Variants in ASAP1 observed in about 807,000 individuals in gnomAD.
The protein encoded by ASAP1 is ArfGAP with SH3 domain, ankyrin repeat and PH domain 1, also known as arf-GAP with SH3 domain, ANK repeat and PH domain-containing protein 1.
In ASAP1, 43 loss-of-function variants were observed where a neutral mutation model predicts 145.2. The ratio of observed to expected loss-of-function variants is 0.30; its 90% CI spans 0.23 to 0.38. ASAP1 has a LOEUF of 0.38. Among genes scored for constraint, ASAP1 ranks in the 10% least tolerant of loss-of-function variants. ASAP1 has a pLI of 1.00. For missense variants in ASAP1, 1,018 were observed against 1,355.3 expected, an observed-to-expected ratio of 0.75 and a Z score of 3.91; for synonymous variants, 546 against 515.5, an observed-to-expected ratio of 1.06 and a Z score of -0.80.
intron 24 of ASAP1, among the ~76,000 whole-genome samples, chr8:130,103,504 AT>A (rs925571980): frequency 1.3e-5 from 2 of 149,980 alleles, no homozygotes; most frequent in Admixed American, 6.7e-5. Context: ...TGACATTTTT[AT>A]TTTTTTATTT....
intron 3 of ASAP1, among the ~76,000 whole-genome samples, chr8:130,299,320 A>C (rs1040072878): frequency 2.6e-5 from 4 of 152,334 alleles, no homozygotes; most frequent in Middle Eastern, 6.8e-3. Flanking sequence ...ATGTTTGGAG[A>C]TGTTGGCAAC....
At chr8:130,191,198 G>C (rs1815116242) in intron 5 of ASAP1, among the ~76,000 whole-genome samples, 1 of 152,140 alleles carries the variant, frequency 6.6e-6, no homozygotes, top group Non-Finnish European at 1.5e-5. Flanking sequence ...AACCAAGGGA[G>C]GCAGAGTCAG....
chr8:130,173,779 A>AT (rs1813751497), intron 9 of ASAP1, among the ~76,000 whole-genome samples: 1 of 151,458 alleles, frequency 6.6e-6, no homozygotes, highest in Non-Finnish European at 1.5e-5. Context: ...AAAAGAAAAA[A>AT]AAAAATAAAA....
chr8:130,176,062 A>G (rs1296510143), intron 9 of ASAP1, among the ~76,000 whole-genome samples: 1 of 152,242 alleles, frequency 6.6e-6, no homozygotes, highest in East Asian at 1.9e-4. Context: ...TCTGAAATTG[A>G]GCAGTAATTA....
chr8:130,131,948 A>T (rs1017329042), intron 15 of ASAP1, among the ~76,000 whole-genome samples: 1 of 152,214 alleles, frequency 6.6e-6, no homozygotes, highest in African/African-American at 2.4e-5. Context: ...AGAGTAAATA[A>T]AATATTGAAG....
intron 1 of ASAP1, among the ~76,000 whole-genome samples, chr8:130,418,771 T>C (rs912069583): frequency 1.0e-4 from 4 of 39,138 alleles, no homozygotes; most frequent in Admixed American, 7.6e-4. Context: ...CCAAAAAAAA[T>C]AGGAGTTTTT....
chr8:130,392,400 T>C (rs1392054816), intron 2 of ASAP1, among the ~76,000 whole-genome samples: 1 of 152,242 alleles, frequency 6.6e-6, no homozygotes, highest in Non-Finnish European at 1.5e-5. Flanking sequence ...TATTCTAATC[T>C]TTTTCTATGA....
intron 3 of ASAP1, among the ~76,000 whole-genome samples, chr8:130,297,938 T>C (rs1202662318): frequency 2.6e-5 from 4 of 152,214 alleles, no homozygotes; most frequent in Admixed American, 2.6e-4. Flanking sequence ...GAGAGGCCAT[T>C]GTCTGGCCCA....
chr8:130,247,090 C>T (rs901452196), intron 3 of ASAP1: 1 of 152,226 alleles, frequency 6.6e-6, no homozygotes, highest in African/African-American at 2.4e-5. Context: ...GGCTACCACA[C>T]ACTGACTGTG....
At chr8:130,307,729 G>A (rs768765501) in intron 3 of ASAP1, among the ~76,000 whole-genome samples, 15 of 152,106 alleles carry the variant, frequency 9.9e-5, no homozygotes, top group Admixed American at 2.0e-4. Flanking sequence ...CAATTCCCAC[G>A]CTCTAATTTG....
intron 3 of ASAP1, among the ~76,000 whole-genome samples, chr8:130,256,759 A>ATATATATATCCT (rs1554860227): frequency 1.9e-4 from 18 of 95,736 alleles, no homozygotes; most frequent in Admixed American, 3.8e-4. Context: ...ATATATATAT[A>ATATATATATCCT]TATATATATA....
intron 23 of ASAP1, among the ~76,000 whole-genome samples, chr8:130,114,064 G>C (rs2097550895): frequency 6.6e-6 from 1 of 152,196 alleles, no homozygotes; most frequent in African/African-American, 2.4e-5. Context: ...TTACAGGTGT[G>C]AGCCACAGCA....
chr8:130,164,811 C>T (rs746726311), intron 11 of ASAP1, among the ~76,000 whole-genome samples: 1 of 152,092 alleles, frequency 6.6e-6, no homozygotes, highest in Non-Finnish European at 1.5e-5. Context: ...AAGTTAGAAC[C>T]CGGTGGGGAT....
chr8:130,286,895 A>C (rs1295608315), intron 3 of ASAP1, among the ~76,000 whole-genome samples: 1 of 152,214 alleles, frequency 6.6e-6, no homozygotes, highest in Non-Finnish European at 1.5e-5. Flanking sequence ...GTTTATAAAC[A>C]AGGTAAGATA....
intron 3 of ASAP1, among the ~76,000 whole-genome samples, chr8:130,353,680 G>A (rs1244748281): frequency 6.6e-6 from 1 of 152,136 alleles, no homozygotes. Flanking sequence ...GACCAGCCTG[G>A]CCAACATGAT....
At chr8:130,128,124 T>A (rs935011766) in intron 15 of ASAP1, 34 bp from the exon 16 acceptor site, 2 of 1,198,168 alleles carry the variant, frequency 1.7e-6, no homozygotes, top group African/African-American at 3.2e-5. Context: ...AAAAAGTCTT[T>A]ATAAGAGCAT....
intron 3 of ASAP1, among the ~76,000 whole-genome samples, chr8:130,322,627 T>G (rs1325284216): frequency 1.3e-5 from 2 of 152,212 alleles, no homozygotes; most frequent in African/African-American, 4.8e-5. Flanking sequence ...AGGACTCAGT[T>G]CAATATAATG....
At chr8:130,114,665 G>T (rs574952823) in intron 23 of ASAP1, among the ~76,000 whole-genome samples, 30 of 151,952 alleles carry the variant, frequency 2.0e-4, no homozygotes, top group Non-Finnish European at 3.7e-4. Flanking sequence ...GATCCCCATT[G>T]AGTATGCAGT....
intron 3 of ASAP1, among the ~76,000 whole-genome samples, chr8:130,346,389 T>C (rs939588046): frequency 6.6e-6 from 1 of 152,248 alleles, no homozygotes; most frequent in African/African-American, 2.4e-5. Context: ...ACATATCTCA[T>C]GTCTCAGCAG....
Sources: allele counts gnomAD v4.1 joint callset (sites outside exome capture counted in the v4.1 genomes callset), GRCh38; gene constraint gnomAD v4.1.1; transcripts MANE v1.5; gene names NCBI Gene and HGNC (gene_info 2026-07-23, HGNC 2026-07-21).